Variants in SLC9A6 observed in about 807,000 individuals in gnomAD.
SLC9A6 encodes solute carrier family 9 member A6.
Under a neutral mutation model 45.3 loss-of-function variants are expected in SLC9A6, and 6 were observed. The observed-to-expected ratio is 0.13, with a 90% confidence interval of 0.07 to 0.26. The LOEUF (loss-of-function observed/expected upper bound fraction) is 0.26, where lower values mean the gene tolerates loss of function less well. Among genes scored for constraint, SLC9A6 ranks in the 10% least tolerant of loss-of-function variants. The pLI is 1.00. For missense variants in SLC9A6, 278 were observed against 503.7 expected (o/e 0.55, Z 4.29); for synonymous variants, 191 against 187.7 (o/e 1.02, Z -0.14).
At chrX:136,013,233 T>C in intron 9 of SLC9A6, 116 bp from the exon 10 acceptor site, 1 of 765,818 alleles carries the variant, frequency 1.3e-6, no homozygotes, top group Non-Finnish European at 2.0e-6. Context: ...CTTAACAAAG[T>C]AAGTCACAAA....
At position 135,998,934 on chromosome X, in the gene SLC9A6, A is replaced by G. The variant is rs1060504685; in HGVS notation, c.603A>G (p.Leu201=). 1.3e-5 allele frequency: 16 copies of G among 1,203,470 alleles called. No individual in the cohort carries two copies. The highest frequency in any genetic ancestry group is 2.2e-5 in the Admixed American group (1 of 45,974). Residue 201 remains leucine, a synonymous_variant, in exon 6 of 18, where the codon CTA becomes CTG. Transcript: ENST00000630721. ...LAGDFYFTDC[L]LFGAIVSATD... ...GAGATTTTTACTTTACAGATTGCCTACTGTTTGGTGCCATTGTATCAGCAA... is the reference window on the plus strand; with the variant it reads ...GAGATTTTTACTTTACAGATTGCCTGCTGTTTGGTGCCATTGTATCAGCAA...
intron 13 of SLC9A6, among the ~76,000 whole-genome samples, chrX:136,025,915 A>G (rs2071217468): frequency 9.0e-6 from 1 of 111,614 alleles, no homozygotes; most frequent in Non-Finnish European, 1.9e-5. Context: ...ACTTTCCCTC[A>G]TTGTCCTAAG....
intron 15 of SLC9A6, chrX:136,030,445 C>T (rs781993822): frequency 4.5e-4 from 152 of 339,348 alleles, no homozygotes; most frequent in Non-Finnish European, 7.1e-4. Flanking sequence ...TTAAGCACTC[C>T]TGGGTTTTCG....
intron 6 of SLC9A6, among the ~76,000 whole-genome samples, chrX:135,999,465 T>G (rs1048446234): frequency 8.9e-6 from 1 of 112,059 alleles, no homozygotes; most frequent in African/African-American, 3.2e-5. Flanking sequence ...AGGTTTGATT[T>G]GGAGTCATTG....
Position 136,013,460 on chromosome X carries a change from T to G in SLC9A6, c.1080+23T>G, listed in dbSNP as rs2070960667. 9 of 1,034,440 alleles carry G rather than the reference T, an allele frequency of 8.7e-6. No individual in the cohort carries two copies. The South Asian group carries it at 1.7e-4, about 20-fold the overall frequency. 85.2% of individuals were successfully genotyped at this position (1,034,440 alleles called of 1,213,427 possible). A position where few individuals can be genotyped will look rare whatever the true frequency, so the allele number is the denominator to read the frequency against. ...CAGGTAAGAGGAACTTTATAGTTTGTGAATAGGCTTTTCCTTCTTTCAGCA... is the reference window on the plus strand; with the variant it reads ...CAGGTAAGAGGAACTTTATAGTTTGGGAATAGGCTTTTCCTTCTTTCAGCA... On this transcript the variant is annotated intron_variant, in intron 10 of 17. Coordinates refer to ENST00000630721, the MANE Select transcript of SLC9A6 (RefSeq NM_001379110.1).
intron 11 of SLC9A6, among the ~76,000 whole-genome samples, chrX:136,018,620 G>A (rs781825779): frequency 8.9e-6 from 1 of 111,897 alleles, no homozygotes; most frequent in African/African-American, 3.2e-5. Flanking sequence ...GGGATCTTTG[G>A]ACTGAAGGTC....
chrX:136,003,623 G>T (rs1569524521), intron 7 of SLC9A6, among the ~76,000 whole-genome samples: 1 of 111,926 alleles, frequency 8.9e-6, no homozygotes, highest in Non-Finnish European at 1.9e-5. Flanking sequence ...TATAATGGTA[G>T]GCTGAATGTC....
chrX:136,006,604 T>C (rs1188868696), intron 7 of SLC9A6, among the ~76,000 whole-genome samples: 1 of 110,216 alleles, frequency 9.1e-6, no homozygotes, highest in Non-Finnish European at 1.9e-5. Context: ...TAGATCTATA[T>C]GTATATTGAT....
At chrX:135,984,719 G>A (rs1426164820), upstream of SLC9A6, among the ~76,000 whole-genome samples, 1 of 111,621 alleles carries the variant, frequency 9.0e-6, no homozygotes, top group Non-Finnish European at 1.9e-5. Context: ...CAGTAAAAAG[G>A]AGCAAGAGGA....
chrX:136,023,430 CTG>C (rs1187811942), intron 12 of SLC9A6, among the ~76,000 whole-genome samples: 1 of 106,259 alleles, frequency 9.4e-6, no homozygotes, highest in Non-Finnish European at 1.9e-5. Context: ...GCTAATCAAA[CTG>C]TGATACATCC....
At chrX:136,030,039 T>C in intron 14 of SLC9A6, 93 bp from the exon 15 acceptor site, 1 of 829,847 alleles carries the variant, frequency 1.2e-6, no homozygotes, top group Non-Finnish European at 1.8e-6. Flanking sequence ...ATAGCTTCTG[T>C]GTTGAGAAAA....
At chrX:135,986,081 C>T (rs1179281436) in intron 2 of SLC9A6, among the ~76,000 whole-genome samples, 2 of 110,064 alleles carry the variant, frequency 1.8e-5, no homozygotes, top group African/African-American at 6.6e-5. Context: ...TCCGCACCCC[C>T]AGCCCCCCAC....
intron 11 of SLC9A6, among the ~76,000 whole-genome samples, chrX:136,020,812 G>A (rs1301288997): frequency 9.0e-6 from 1 of 111,004 alleles, no homozygotes; most frequent in African/African-American, 3.3e-5. Flanking sequence ...GTGTGCCTTT[G>A]ATATATCCTC....
Position 135,975,569 on chromosome X carries a change from T to G in SLC9A6, c.-57+786T>G, listed in dbSNP as rs781854453. 1.1e-3 allele frequency among the ~76,000 whole-genome samples: 128 copies of G among 112,545 alleles called. 1 individual carries two copies. The highest frequency in any genetic ancestry group is 3.9e-3 in the African/African-American group (121 of 30,991). On this transcript the variant is annotated intron_variant, in intron 1 of 16. Coordinates refer to the SLC9A6 transcript ENST00000636092. ...TAAGCTCTGAGAGAACAGAGATTTC[T>G]CTGTACCTAAAACTTTGACTGTCAT...
chrX:135,981,691 G>A (rs2089286308), upstream of SLC9A6, among the ~76,000 whole-genome samples: 1 of 112,072 alleles, frequency 8.9e-6, no homozygotes, highest in Non-Finnish European at 1.9e-5. Context: ...AATAAGCACA[G>A]GATATAAGGG....
chrX:136,002,397 G>A (rs184209736), intron 7 of SLC9A6, among the ~76,000 whole-genome samples, 184 bp downstream of exon 7: 4 of 111,574 alleles, frequency 3.6e-5, no homozygotes. Flanking sequence ...AGAAAAATAT[G>A]TACTGCCACC....
intron 3 of SLC9A6, among the ~76,000 whole-genome samples, chrX:135,997,845 C>A (rs782109091): frequency 2.9e-4 from 32 of 112,030 alleles, no homozygotes; most frequent in African/African-American, 1.0e-3. Context: ...CCTGCCTCAG[C>A]CTCCTGAAAC....
intron 10 of SLC9A6, among the ~76,000 whole-genome samples, chrX:136,014,137 G>T (rs188065858): frequency 8.9e-6 from 1 of 112,164 alleles, no homozygotes; most frequent in Non-Finnish European, 1.9e-5. Context: ...AATAGAAATA[G>T]GTGCATACTT....
intron 13 of SLC9A6, among the ~76,000 whole-genome samples, chrX:136,028,544 A>G (rs2071267595): frequency 2.7e-5 from 3 of 112,561 alleles, no homozygotes; most frequent in Non-Finnish European, 3.7e-5. Flanking sequence ...TGTACCATCT[A>G]TTACAAGTGT....
Sources: allele counts gnomAD v4.1 joint callset (sites outside exome capture counted in the v4.1 genomes callset), GRCh38; gene constraint gnomAD v4.1.1; transcripts MANE v1.5; gene names NCBI Gene and HGNC (gene_info 2026-07-23, HGNC 2026-07-21).